Variants in WDR73 observed in about 807,000 individuals in gnomAD.
WDR73 encodes integrator complex assembly factor WDR73.
In WDR73, 30 loss-of-function variants were observed where a neutral mutation model predicts 38.2. The ratio of observed to expected loss-of-function variants is 0.79; its 90% CI spans 0.59 to 1.06. WDR73 has a LOEUF of 1.06. Among genes scored for constraint, WDR73 ranks in the 50% least tolerant of loss-of-function variants. The pLI is 0.00. For missense variants in WDR73, 487 were observed against 467.0 expected, an observed-to-expected ratio of 1.04 and a Z score of -0.40; for synonymous variants, 197 against 176.0, an observed-to-expected ratio of 1.12 and a Z score of -0.94.
In WDR73 at chr15:84,647,940, C is replaced by G; in HGVS notation, c.302G>C (p.Ser101Thr). The G allele has an allele frequency of 6.2e-7, 1 of 1,614,042 alleles. No homozygotes were observed. Among genetic ancestry groups the G allele is most frequent in the Non-Finnish European group, 8.5e-7 (1 of 1,179,902 alleles). ...CTGCAGATAACAACCTGGAAGGCCA[C>G]TGGTAACCAGCAATCTATTCAGAAA... ...HVPHTRLLVT[S>T]GLPGCYLQVW... Residue 101 changes from serine to threonine, a missense_variant, in exon 5 of 8, where the codon AGT becomes ACT. Coordinates refer to ENST00000434634, the MANE Select transcript of WDR73 (RefSeq NM_032856.5).
chr15:84,652,399 T>C (rs1896652686), intron 3 of WDR73, among the ~76,000 whole-genome samples: 1 of 152,158 alleles, frequency 6.6e-6, no homozygotes, highest in South Asian at 2.1e-4. Flanking sequence ...TCACTCCTTA[T>C]ATACCACACA....
At position 84,645,617 on chromosome 15, in the gene WDR73, G is replaced by C; in HGVS notation, c.737C>G (p.Ser246Ter). ...GPGPSIASLG[S>*]DGRLCLLDPR... ...GTCAAGAAGACAAAGACGCCCATCTGAGCCAAGGCTGGCAATGCTGGGCCC... is the reference window on the plus strand; with the variant it reads ...GTCAAGAAGACAAAGACGCCCATCTCAGCCAAGGCTGGCAATGCTGGGCCC... Residue 246 changes from serine to a stop codon, truncating the protein, a stop_gained, in exon 7 of 8, where the codon TCA (serine) becomes TGA (stop). Coordinates refer to ENST00000434634, the MANE Select transcript of WDR73 (RefSeq NM_032856.5). LOFTEE classifies it high-confidence loss of function. 1 of 1,609,394 alleles carries C rather than the reference G, an allele frequency of 6.2e-7. No homozygotes were observed. Among genetic ancestry groups the C allele is most frequent in the South Asian group, 1.1e-5 (1 of 90,396 alleles).
At position 84,654,022 on chromosome 15, in the gene WDR73, T is replaced by C. The variant is rs4842978; in HGVS notation, c.41+212A>G. 0.61 allele frequency: 395,069 copies of C among 646,956 alleles called. 124,221 individuals carry two copies. Among genetic ancestry groups the C allele is most frequent in the East Asian group, 0.85 (30,935 of 36,560 alleles). 40.1% of individuals were successfully genotyped at this position (646,956 alleles called of 1,614,324 possible). On this transcript the variant is annotated intron_variant, in intron 1 of 7. Transcript: ENST00000434634. ...CACTGCGTCTTCACAAGCGCGGCTC[T>C]TACTAGTAATCTCACAACGCGCGCA... is the stretch of plus-strand genomic sequence containing the variant.
intron 4 of WDR73, 102 bp downstream of exon 4, chr15:84,648,435 T>A (rs1363863935): frequency 3.4e-5 from 27 of 793,696 alleles, no homozygotes; most frequent in Middle Eastern, 4.7e-4. Flanking sequence ...GCCTGTGTGC[T>A]GAGGGGGTGG....
chr15:84,653,325 T>C (rs1896681733), intron 2 of WDR73: 3 of 313,916 alleles, frequency 9.6e-6, no homozygotes, highest in Non-Finnish European at 1.9e-5. Context: ...GTGCACCACC[T>C]CGTCCGGCTA....
chr15:84,643,890 T>C (rs1896355836), intron 7 of WDR73, 167 bp from the exon 8 acceptor site: 1 of 746,270 alleles, frequency 1.3e-6, no homozygotes, highest in Non-Finnish European at 2.0e-6. Flanking sequence ...ATGCTGGGAT[T>C]ACAGGCACCC....
chr15:84,646,557 C>A, intron 5 of WDR73: 1 of 745,444 alleles, frequency 1.3e-6, no homozygotes, highest in Non-Finnish European at 1.9e-6. Flanking sequence ...TATTATTTGT[C>A]TTATAAACTG....
intron 7 of WDR73, 55 bp downstream of exon 7, chr15:84,645,416 C>T: frequency 6.2e-7 from 1 of 1,601,620 alleles, no homozygotes; most frequent in Non-Finnish European, 8.5e-7. Flanking sequence ...GAGCACCCAA[C>T]AGTCTCCTGG....
intron 1 of WDR73, 91 bp downstream of exon 1, chr15:84,654,143 C>G: frequency 1.9e-6 from 3 of 1,567,366 alleles, no homozygotes; most frequent in Non-Finnish European, 1.8e-6. Flanking sequence ...CCACTCTGCA[C>G]CAGGATCCCC....
At chr15:84,649,290 A>T in intron 3 of WDR73, among the ~76,000 whole-genome samples, 1 of 152,174 alleles carries the variant, frequency 6.6e-6, no homozygotes, top group Non-Finnish European at 1.5e-5. Flanking sequence ...GTGGCCATAG[A>T]AGAAACAAGG....
intron 2 of WDR73, chr15:84,653,249 C>A (rs983191115): frequency 4.4e-6 from 1 of 228,996 alleles, no homozygotes; most frequent in African/African-American, 2.3e-5. Flanking sequence ...CTCACTGCAA[C>A]CTCCACCTCC....
In WDR73 at chr15:84,645,445, CAA is replaced by C. The variant is rs768718284; in HGVS notation, c.883+24_883+25del. The C allele has an allele frequency of 2.5e-6, 4 of 1,609,628 alleles. No individual in the cohort carries two copies. In the South Asian group the frequency reaches 4.4e-5, roughly 18 times the overall value. The stretch of plus-strand genomic sequence containing the variant: ...CTCCTGGAAGAAAGAGATCAGATAA[CAA>C]GACGAAATCCTGCTCGGCAGTACCT... On this transcript the variant is annotated intron_variant, in intron 7 of 7. Coordinates refer to ENST00000434634, the MANE Select transcript of WDR73 (RefSeq NM_032856.5).
intron 3 of WDR73, among the ~76,000 whole-genome samples, chr15:84,650,569 C>T (rs1421895976): frequency 2.0e-5 from 3 of 152,128 alleles, no homozygotes; most frequent in African/African-American, 7.2e-5. Flanking sequence ...CCATATTGGC[C>T]AGACTGGTCT....
In WDR73 at chr15:84,646,223, C is replaced by A. The variant is rs199876799; in HGVS notation, c.478G>T (p.Val160Phe). The change falls in exon 6 of 8, where the codon GTC becomes TTC. Residue 160 changes from valine (V) to phenylalanine (F), a missense_variant. By Grantham distance (50) the Val-to-Phe change is conservative. Transcript: ENST00000434634. ...LHGARLRSLQVVDLESRKTTY... is the reference protein window; with the variant it reads ...LHGARLRSLQFVDLESRKTTY... The stretch of plus-strand genomic sequence containing the variant: ...GTCTTCCGGGACTCCAGATCAACGA[C>A]CTGCAGACTTCGGAGCCTCGCCCCA... 2.5e-6 allele frequency: 4 copies of A among 1,613,854 alleles called. No homozygotes were observed. In the East Asian group the frequency reaches 8.9e-5, roughly 36 times the overall value.
At chr15:84,649,895 C>A (rs889580492) in intron 3 of WDR73, among the ~76,000 whole-genome samples, 8 of 152,180 alleles carry the variant, frequency 5.3e-5, no homozygotes, top group African/African-American at 1.9e-4. Context: ...AGGTGTGAGT[C>A]ACCATGTCAG....
intron 3 of WDR73, among the ~76,000 whole-genome samples, chr15:84,650,384 C>T (rs1446138826): frequency 2.6e-5 from 4 of 151,764 alleles, no homozygotes; most frequent in African/African-American, 9.7e-5. Flanking sequence ...TTTTTTGAGA[C>T]GGAGTCTCAC....
chr15:84,645,434 A>C (rs752019133), intron 7 of WDR73, 37 bp downstream of exon 7: 1 of 1,607,596 alleles, frequency 6.2e-7, no homozygotes, highest in Non-Finnish European at 8.5e-7. Flanking sequence ...TGGAAGAAAG[A>C]GATCAGATAA....
intron 1 of WDR73, 69 bp from the exon 2 acceptor site, chr15:84,653,768 G>A (rs1896700440): frequency 1.6e-6 from 2 of 1,286,050 alleles, no homozygotes; most frequent in East Asian, 5.0e-5. Context: ...CAAGATGGCA[G>A]CCGCATGGTT....
At position 84,642,443 on chromosome 15, in the gene WDR73, T is replaced by G. The variant is rs1349653052; in HGVS notation, c.*1027A>C. ...GTTGCACATGGGAAGGGCTAATAGA[T>G]GCTGACAGAGTGAACAACTTATCTA... On this transcript the variant is annotated 3_prime_UTR_variant, in exon 8 of 8. Transcript: ENST00000434634. 2 of 152,102 alleles carry G rather than the reference T, an allele frequency of 1.3e-5. No homozygotes were observed. The highest frequency in any genetic ancestry group is 3.9e-4 in the East Asian group (2 of 5,190). The allele number at this position is 152,102 out of a possible 1,614,324, so 9.4% of individuals were successfully genotyped here. A position where few individuals can be genotyped will look rare whatever the true frequency, so the allele number is the denominator to read the frequency against.
Sources: gnomAD v4.1 joint callset for allele counts (sites outside exome capture counted in the v4.1 genomes callset) on GRCh38, gnomAD v4.1.1 for gene constraint, MANE v1.5 for transcripts, NCBI Gene and HGNC (gene_info 2026-07-23, HGNC 2026-07-21) for gene names.